SLC25A26: variants seen among roughly 807,000 people sequenced by gnomAD.
SLC25A26 encodes solute carrier family 25 member 26.
In SLC25A26, 36 loss-of-function variants were observed where a neutral mutation model predicts 37.8. That is an observed-to-expected ratio of 0.95 (90% CI 0.73 to 1.26). SLC25A26 has a LOEUF of 1.26. Ranked by LOEUF, SLC25A26 falls within the 50% of genes most tolerant of loss-of-function variation. The pLI is 0.00. For missense variants in SLC25A26, 390 were observed against 331.1 expected (o/e 1.18, Z -1.38); for synonymous variants, 129 against 122.5 (o/e 1.05, Z -0.35).
chr3:66,346,715 C>CGTGTGTGTGT lies in SLC25A26; in HGVS notation c.498+344_498+353dup, dbSNP rs34944870. Among the ~76,000 whole-genome samples the CGTGTGTGTGT allele has an allele frequency of 9.8e-3, 1,361 of 138,938 alleles. 13 individuals carry two copies. The highest frequency in any genetic ancestry group is 0.014 in the Non-Finnish European group (904 of 63,542). 91.1% of individuals were successfully genotyped at this position (138,938 alleles called of 152,430 possible). A position where few individuals can be genotyped will look rare whatever the true frequency, so the allele number is the denominator to read the frequency against. On this transcript the variant is annotated intron_variant, in intron 6 of 9. Transcript: ENST00000354883. ...CCGTTAAATTTCATTTTGCTGTGTG[C>CGTGTGTGTGT]GTGTGTGTGTGTGTGTGTGTGTGTG...
chr3:66,173,773 C>T (rs2070533573), intron 1 of SLC25A26, among the ~76,000 whole-genome samples: 1 of 152,338 alleles, frequency 6.6e-6, no homozygotes, highest in East Asian at 1.9e-4. Context: ...TGAAAGCTGG[C>T]TGGGTGCAGT....
intron 1 of SLC25A26, among the ~76,000 whole-genome samples, chr3:66,183,412 C>T (rs2070754686): frequency 1.3e-5 from 2 of 151,994 alleles, no homozygotes; most frequent in Admixed American, 1.3e-4. Flanking sequence ...TAACCCTATG[C>T]TCACCCTGAA....
chr3:66,259,715 C>G (rs964497926), intron 3 of SLC25A26, among the ~76,000 whole-genome samples: 4 of 152,090 alleles, frequency 2.6e-5, no homozygotes, highest in South Asian at 4.1e-4. Flanking sequence ...CTCGTGGTCC[C>G]CCTTTGCTTC....
At chr3:66,250,243 C>G (rs2107181397) in intron 3 of SLC25A26, among the ~76,000 whole-genome samples, 1 of 152,236 alleles carries the variant, frequency 6.6e-6, no homozygotes, top group Middle Eastern at 3.4e-3. Context: ...TTCTATGGTC[C>G]TTACCTAGTG....
intron 1 of SLC25A26, among the ~76,000 whole-genome samples, chr3:66,197,225 A>G (rs2071056397): frequency 6.6e-6 from 1 of 152,128 alleles, no homozygotes; most frequent in Non-Finnish European, 1.5e-5. Flanking sequence ...ATATATATAC[A>G]TTGTGTACCT....
At chr3:66,235,604 C>G (rs1245198282) in intron 1 of SLC25A26, among the ~76,000 whole-genome samples, 1 of 152,092 alleles carries the variant, frequency 6.6e-6, no homozygotes, top group African/African-American at 2.4e-5. Context: ...TAAGCTGTTT[C>G]AAAATTCCAG....
chr3:66,165,039 G>T (rs546663728), intron 1 of SLC25A26, among the ~76,000 whole-genome samples: 1 of 152,288 alleles, frequency 6.6e-6, no homozygotes, highest in Admixed American at 6.5e-5. Context: ...GACAGTATGT[G>T]ACCTCAGAGA....
At chr3:66,348,874 A>T (rs1163546351) in intron 6 of SLC25A26, among the ~76,000 whole-genome samples, 1 of 152,212 alleles carries the variant, frequency 6.6e-6, no homozygotes, top group East Asian at 1.9e-4. Flanking sequence ...TGTAACAGCT[A>T]TCCAATGAGA....
At chr3:66,156,397 A>G (rs2070283310) in intron 1 of SLC25A26, among the ~76,000 whole-genome samples, 1 of 152,186 alleles carries the variant, frequency 6.6e-6, no homozygotes, top group Non-Finnish European at 1.5e-5. Flanking sequence ...TCATTTCTCC[A>G]ATGAAGAAGA....
chr3:66,296,254 ATT>A (rs1044787338), intron 5 of SLC25A26, among the ~76,000 whole-genome samples: 52 of 152,324 alleles, frequency 3.4e-4, no homozygotes, highest in African/African-American at 1.2e-3. Context: ...ATGAAATTAA[ATT>A]TGGGAATTTT....
At chr3:66,134,580 T>C (rs1472570124) in intron 1 of SLC25A26, among the ~76,000 whole-genome samples, 5 of 152,220 alleles carry the variant, frequency 3.3e-5, no homozygotes, top group Non-Finnish European at 5.9e-5. Context: ...TTACCTTAAT[T>C]GCTTAGAGAA....
intron 3 of SLC25A26, among the ~76,000 whole-genome samples, chr3:66,249,392 C>T (rs1327802036): frequency 6.6e-6 from 1 of 152,198 alleles, no homozygotes; most frequent in Non-Finnish European, 1.5e-5. Flanking sequence ...TCAGCTTTCC[C>T]ACTGGTTAAA....
intron 1 of SLC25A26, among the ~76,000 whole-genome samples, chr3:66,192,316 A>AC (rs2106792962): frequency 1.5e-5 from 1 of 66,788 alleles, no homozygotes; most frequent in Admixed American, 2.1e-4. Context: ...ACTCCATGTC[A>AC]CAAAAAAAAA....
At position 66,362,942 on chromosome 3, in the gene SLC25A26, A is replaced by G. The variant is rs780250037; in HGVS notation, c.568+13A>G. On this transcript the variant is annotated intron_variant, in intron 7 of 9. Coordinates refer to ENST00000354883, the MANE Select transcript of SLC25A26 (RefSeq NM_001379210.1). ...GGAGCTTTTGCAGGTGCAAAGGATT[A>G]TATTATACTGGGAAAGACCAAAGAG... 6.4e-7 allele frequency: 1 copy of G among 1,568,126 alleles called. No homozygotes were observed. Among genetic ancestry groups the G allele is most frequent in the Non-Finnish European group, 8.7e-7 (1 of 1,149,584 alleles).
Position 66,240,294 on chromosome 3 carries a change from A to AT in SLC25A26, c.191-2902dup, listed in dbSNP as rs541359118. ...GTGCAGTTATGATTTAACACTATAC[A>AT]TTTTTTTCCCCCTGAGACCAGGTCT... On this transcript the variant is annotated intron_variant, in intron 2 of 9. Transcript: ENST00000354883. Among the ~76,000 whole-genome samples the AT allele has an allele frequency of 2.1e-4, 32 of 152,078 alleles. No individual in the cohort carries two copies. The South Asian group carries it at 4.4e-3, about 21-fold the overall frequency.
intron 1 of SLC25A26, among the ~76,000 whole-genome samples, chr3:66,222,832 C>A (rs1387923689): frequency 6.6e-6 from 1 of 152,088 alleles, no homozygotes; most frequent in East Asian, 1.9e-4. Context: ...GTGAGTGCTG[C>A]AGTTAACAAA....
At chr3:66,271,660 A>G (rs1271893731) in intron 5 of SLC25A26, among the ~76,000 whole-genome samples, 8 of 152,066 alleles carry the variant, frequency 5.3e-5, no homozygotes, top group Non-Finnish European at 1.5e-5. Context: ...CAGTGGTACT[A>G]CCGTTACTGA....
intron 1 of SLC25A26, among the ~76,000 whole-genome samples, chr3:66,146,071 G>A (rs2070110372): frequency 6.6e-6 from 1 of 152,136 alleles, no homozygotes; most frequent in South Asian, 2.1e-4. Context: ...TGGGCGCAGT[G>A]GCTCACACCT....
chr3:66,271,112 G>A (rs34990893), intron 5 of SLC25A26, among the ~76,000 whole-genome samples: 17,460 of 152,114 alleles, frequency 0.11, 1,360 homozygotes, highest in African/African-American at 0.19. Context: ...TTATTTAAAC[G>A]TTGTGACCAT....
Sources: allele counts gnomAD v4.1 joint callset (sites outside exome capture counted in the v4.1 genomes callset), GRCh38; gene constraint gnomAD v4.1.1; transcripts MANE v1.5; gene names NCBI Gene and HGNC (gene_info 2026-07-23, HGNC 2026-07-21).